Variants in KIF5B observed in about 807,000 individuals in gnomAD.
The protein encoded by KIF5B is kinesin-1 heavy chain.
Under a neutral mutation model 132.8 loss-of-function variants are expected in KIF5B, and 49 were observed. The ratio of observed to expected loss-of-function variants is 0.37; its 90% CI spans 0.29 to 0.47. KIF5B has a LOEUF of 0.47. KIF5B is among the 20% of genes least tolerant of loss of function. The pLI is 1.00. For missense variants in KIF5B, 780 were observed against 1,144.0 expected, an observed-to-expected ratio of 0.68 and a Z score of 4.59; for synonymous variants, 355 against 369.4, an observed-to-expected ratio of 0.96 and a Z score of 0.45.
chr10:32,026,183 C>A (rs774080021), intron 15 of KIF5B, among the ~76,000 whole-genome samples: 14 of 151,932 alleles, frequency 9.2e-5, no homozygotes, highest in Non-Finnish European at 1.5e-4. Flanking sequence ...GCCTGTAATC[C>A]CAGCACTCTG....
At chr10:32,037,699 G>T in intron 6 of KIF5B, 92 bp from the exon 7 acceptor site, 1 of 882,764 alleles carries the variant, frequency 1.1e-6, no homozygotes, top group Non-Finnish European at 1.8e-6. Flanking sequence ...CGGGCGCGGT[G>T]GCGGGTGCCT....
In KIF5B at chr10:32,024,247, C is replaced by T. The variant is rs368672822; in HGVS notation, c.1726-1211G>A. ...TCGGCTCACTGCAAGCTCCGCCTCC[C>T]GGGTTCACGCCATTCTCCTGCCTCA... On this transcript the variant is annotated intron_variant, in intron 15 of 25. Transcript: ENST00000302418. 8.0e-3 allele frequency among the ~76,000 whole-genome samples: 1,118 copies of T among 140,238 alleles called. 50 individuals carry two copies. The South Asian group carries it at 0.11, about 14-fold the overall frequency. 92.0% of individuals were successfully genotyped at this position (140,238 alleles called of 152,430 possible). A position where few individuals can be genotyped will look rare whatever the true frequency, so the allele number is the denominator to read the frequency against.
chr10:32,040,775 CA>C (rs1043531623), intron 2 of KIF5B, among the ~76,000 whole-genome samples: 3 of 151,898 alleles, frequency 2.0e-5, no homozygotes, highest in Non-Finnish European at 2.9e-5. Flanking sequence ...AGGCGGATCA[CA>C]AGGTCAGGAG....
Position 32,038,221 on chromosome 10 carries a change from G to T in KIF5B, c.443-3C>A. 6.2e-7 allele frequency: 1 copy of T among 1,600,074 alleles called. No homozygotes were observed. Among genetic ancestry groups the T allele is most frequent in the Non-Finnish European group, 8.6e-7 (1 of 1,168,836 alleles). On this transcript the variant is annotated splice_polypyrimidine_tract_variant and splice_region_variant and intron_variant, in intron 5 of 25. Transcript: ENST00000302418. ...AACTGAAAGGTTGGTCTTTGAAACT[G>T]AGAAAGAAAAACAAATGTTAGCAAC...
chr10:32,034,557 T>C (rs755491039), intron 11 of KIF5B, 133 bp downstream of exon 11: 7 of 596,648 alleles, frequency 1.2e-5, no homozygotes, highest in Non-Finnish European at 1.8e-5. Context: ...CTATTAATTT[T>C]TTTAAAAATT....
At chr10:32,048,750 G>A (rs184269539) in intron 1 of KIF5B, among the ~76,000 whole-genome samples, 199 bp from the exon 2 acceptor site, 4 of 152,066 alleles carry the variant, frequency 2.6e-5, no homozygotes, top group African/African-American at 9.6e-5. Context: ...AAACAAGAAT[G>A]GTCTTTAGTC....
At chr10:32,054,335 G>A (rs1466428235) in intron 1 of KIF5B, among the ~76,000 whole-genome samples, 1 of 152,208 alleles carries the variant, frequency 6.6e-6, no homozygotes, top group East Asian at 1.9e-4. Context: ...GGGCTATGAT[G>A]TCATTTACAC....
intron 25 of KIF5B, 86 bp downstream of exon 25, chr10:32,015,420 CTAA>C (rs1841145409): frequency 3.1e-6 from 3 of 957,300 alleles, no homozygotes; most frequent in African/African-American, 3.3e-5. Flanking sequence ...AATCATAACA[CTAA>C]TGTGAGAATT....
In KIF5B at chr10:32,020,215, A is replaced by G. The variant is rs533151987; in HGVS notation, c.2205-256T>C. Among the ~76,000 whole-genome samples the G allele has an allele frequency of 3.3e-5, 5 of 152,210 alleles. No individual in the cohort carries two copies. The East Asian group carries it at 9.6e-4, about 29-fold the overall frequency. ...ATCCTTATGCCTACTTCCATCAGGT[A>G]TTCATAGTAAGACCTACGCCCCAAA... On this transcript the variant is annotated intron_variant, in intron 19 of 25. Transcript: ENST00000302418.
intron 1 of KIF5B, among the ~76,000 whole-genome samples, chr10:32,051,441 T>G (rs1451864918): frequency 6.6e-6 from 1 of 152,174 alleles, no homozygotes; most frequent in African/African-American, 2.4e-5. Context: ...AGCTTCATAA[T>G]AGTAAACAGT....
chr10:32,037,564 T>A lies in KIF5B; in HGVS notation c.542A>T (p.Asp181Val). 6.2e-7 allele frequency: 1 copy of A among 1,613,570 alleles called. No homozygotes were observed. Among genetic ancestry groups the A allele is most frequent in the Non-Finnish European group, 8.5e-7 (1 of 1,179,438 alleles). Residue 181 changes from aspartate to valine, a missense_variant, in exon 7 of 26, where the codon GAT becomes GTT. Transcript: ENST00000302418. ...RFVCSPDEVMDTIDEGKSNRH... is the reference protein window; with the variant it reads ...RFVCSPDEVMVTIDEGKSNRH... ...GTTGGATTTTCCTTCATCTATGGTATCCATAACTTCATCTGGACTACATAC... is the reference window on the plus strand; with the variant it reads ...GTTGGATTTTCCTTCATCTATGGTAACCATAACTTCATCTGGACTACATAC...
chr10:32,055,935 A>G lies in KIF5B; in HGVS notation c.39T>C (p.Cys13=), dbSNP rs547522301. 1 of 1,611,214 alleles carries G rather than the reference A, an allele frequency of 6.2e-7. No individual in the cohort carries two copies. Among genetic ancestry groups the G allele is most frequent in the East Asian group, 2.2e-5 (1 of 44,832 alleles). ...DLAECNIKVM[C]RFRPLNESEV... is the part of the protein sequence containing the mutation. ...CAGACTCGTTGAGAGGTCTGAAGCG[A>G]CACATCACTTTGATGTTGCACTCGG... Residue 13 remains cysteine (C), a synonymous_variant, in exon 1 of 26, where the codon TGT becomes TGC. Coordinates refer to ENST00000302418, the MANE Select transcript of KIF5B (RefSeq NM_004521.3).
chr10:32,028,129 C>T (rs1342603610), intron 15 of KIF5B, among the ~76,000 whole-genome samples: 1 of 151,902 alleles, frequency 6.6e-6, no homozygotes, highest in African/African-American at 2.4e-5. Flanking sequence ...ATGCCAGGCT[C>T]ATTTTTGTAT....
intron 24 of KIF5B, among the ~76,000 whole-genome samples, chr10:32,016,379 C>T (rs925989648): frequency 6.6e-6 from 1 of 151,904 alleles, no homozygotes; most frequent in Non-Finnish European, 1.5e-5. Context: ...TCGCTTGAAC[C>T]CAGGAGGCAG....
At chr10:32,047,251 C>T (rs1841623989) in intron 2 of KIF5B, among the ~76,000 whole-genome samples, 1 of 151,822 alleles carries the variant, frequency 6.6e-6, no homozygotes, top group South Asian at 2.1e-4. Context: ...CTGAGATCTA[C>T]AACCCACTAA....
rs550386060 is a variant in KIF5B at position 32,048,247 on chromosome 10, A to T, written c.214+217T>A. Among the ~76,000 whole-genome samples, 5 of 152,346 alleles carry T rather than the reference A, an allele frequency of 3.3e-5. No individual in the cohort carries two copies. The East Asian group carries it at 9.6e-4, about 29-fold the overall frequency. On this transcript the variant is annotated intron_variant, in intron 2 of 25. Transcript: ENST00000302418. ...AAGTGTGTAACATAGTTCTCATAAT[A>T]ACCTTAATTAGGTACTGTATATAAT...
intron 17 of KIF5B, 138 bp downstream of exon 17, chr10:32,022,002 A>T (rs1477589789): frequency 1.8e-6 from 1 of 557,618 alleles, no homozygotes; most frequent in East Asian, 2.9e-5. Flanking sequence ...GTTTCAAAGC[A>T]ACATTAATAT....
chr10:32,020,338 T>C lies in KIF5B; in HGVS notation c.2205-379A>G, dbSNP rs77108459. On this transcript the variant is annotated intron_variant, in intron 19 of 25. Coordinates refer to ENST00000302418, the MANE Select transcript of KIF5B (RefSeq NM_004521.3). The stretch of plus-strand genomic sequence containing the variant: ...AACTCTATGTATGTGCACATGGTTA[T>C]GGAGGCAGGGAAATTGCTTCTAGAT... Among the ~76,000 whole-genome samples, 270 of 152,068 alleles carry C rather than the reference T, an allele frequency of 1.8e-3. 6 individuals are homozygous for C. In the East Asian group the frequency reaches 0.047, roughly 26 times the overall value.
chr10:32,034,877 A>G (rs377417250), intron 10 of KIF5B, 39 bp from the exon 11 acceptor site: 1 of 1,491,282 alleles, frequency 6.7e-7, no homozygotes, highest in Admixed American at 2.4e-5. Flanking sequence ...GATGAGACTG[A>G]AATTATTTTT....
Sources: allele counts gnomAD v4.1 joint callset (sites outside exome capture counted in the v4.1 genomes callset), GRCh38; gene constraint gnomAD v4.1.1; transcripts MANE v1.5; gene names NCBI Gene and HGNC (gene_info 2026-07-23, HGNC 2026-07-21).